The following MECOM variants were observed in gnomAD, a reference collection of about 807,000 sequenced individuals.
MECOM encodes MDS1 and EVI1 complex locus, also known as histone-lysine N-methyltransferase MECOM.
Under a neutral mutation model 116.3 loss-of-function variants are expected in MECOM, and 13 were observed. That is an observed-to-expected ratio of 0.11 (90% CI 0.07 to 0.18). The LOEUF (loss-of-function observed/expected upper bound fraction) is 0.18, where lower values mean the gene tolerates loss of function less well. Ranked by LOEUF, MECOM falls within the 10% of genes least tolerant of loss-of-function variation. The pLI, the probability that MECOM is intolerant of heterozygous loss-of-function variation, is 1.00. For synonymous variants in MECOM, 528 were observed against 535.2 expected (o/e 0.99, Z 0.19); for missense variants, 1,299 against 1,509.0 (o/e 0.86, Z 2.31).
intron 2 of MECOM, among the ~76,000 whole-genome samples, chr3:169,249,422 C>T (rs77936129): frequency 0.01 from 1,571 of 152,262 alleles, 11 homozygotes; most frequent in Non-Finnish European, 0.017. Flanking sequence ...TAGTGTTTGC[C>T]TAAGATCTGC....
At chr3:169,158,539 T>C (rs1742348433) in intron 2 of MECOM, among the ~76,000 whole-genome samples, 1 of 152,146 alleles carries the variant, frequency 6.6e-6, no homozygotes, top group African/African-American at 2.4e-5. Flanking sequence ...ATGAGTATCG[T>C]GTTCCATCAA....
intron 2 of MECOM, among the ~76,000 whole-genome samples, chr3:169,296,500 T>A (rs1715630325): frequency 6.6e-6 from 1 of 152,176 alleles, no homozygotes; most frequent in Non-Finnish European, 1.5e-5. Context: ...CCACACAAGT[T>A]CTTTGTAGAC....
chr3:169,114,550 A>G (rs987970245), intron 8 of MECOM, among the ~76,000 whole-genome samples: 1 of 152,352 alleles, frequency 6.6e-6, no homozygotes, highest in Admixed American at 6.5e-5. Context: ...AATAAGTTCA[A>G]TAAAAAATTA....
At chr3:169,144,942 A>G in intron 2 of MECOM, 2 of 1,444,400 alleles carry the variant, frequency 1.4e-6, no homozygotes, top group Non-Finnish European at 1.9e-6. Context: ...ACCAAAAGCA[A>G]TTTTGCATAG....
chr3:169,248,163 T>G (rs1020979947), intron 2 of MECOM, among the ~76,000 whole-genome samples: 2 of 152,218 alleles, frequency 1.3e-5, no homozygotes, highest in Non-Finnish European at 2.9e-5. Flanking sequence ...CTTGACAATA[T>G]TATTAGAATT....
At chr3:169,217,215 G>T (rs1247626713) in intron 2 of MECOM, among the ~76,000 whole-genome samples, 2 of 151,932 alleles carry the variant, frequency 1.3e-5, no homozygotes, top group Non-Finnish European at 2.9e-5. Flanking sequence ...CATTCACAGA[G>T]AATTCCCACC....
chr3:169,363,756 C>A (rs1409088072), intron 2 of MECOM, among the ~76,000 whole-genome samples: 1 of 151,788 alleles, frequency 6.6e-6, no homozygotes, highest in Non-Finnish European at 1.5e-5. Flanking sequence ...TATTCCACCC[C>A]GAGACTGAAC....
At chr3:169,297,020 C>T (rs556591967) in intron 2 of MECOM, among the ~76,000 whole-genome samples, 1 of 152,300 alleles carries the variant, frequency 6.6e-6, no homozygotes, top group African/African-American at 2.4e-5. Context: ...CCAAACACCA[C>T]CAGCTGTGCT....
At chr3:169,308,498 T>C (rs1259585007) in intron 2 of MECOM, among the ~76,000 whole-genome samples, 1 of 152,210 alleles carries the variant, frequency 6.6e-6, no homozygotes, top group African/African-American at 2.4e-5. Context: ...ATAATAAATA[T>C]TCTATCTACT....
At chr3:169,554,610 A>G (rs1400291301) in intron 1 of MECOM, among the ~76,000 whole-genome samples, 1 of 152,238 alleles carries the variant, frequency 6.6e-6, no homozygotes, top group Non-Finnish European at 1.5e-5. Context: ...AAAATAATAT[A>G]TTACTTATCA....
intron 2 of MECOM, among the ~76,000 whole-genome samples, chr3:169,294,651 T>C (rs1343432628): frequency 6.6e-6 from 1 of 152,220 alleles, no homozygotes; most frequent in Non-Finnish European, 1.5e-5. Context: ...AGCCTTTAAG[T>C]TGATGACCTT....
intron 1 of MECOM, among the ~76,000 whole-genome samples, chr3:169,632,785 A>G (rs1772249524): frequency 6.6e-6 from 1 of 152,134 alleles, no homozygotes; most frequent in Non-Finnish European, 1.5e-5. Flanking sequence ...AAAGGTCTTT[A>G]TTTTTGTTTG....
intron 1 of MECOM, among the ~76,000 whole-genome samples, chr3:169,500,701 T>C (rs1754423284): frequency 6.6e-6 from 1 of 151,996 alleles, no homozygotes. Context: ...TTATATAAAT[T>C]TAAAGAAGCA....
intron 2 of MECOM, among the ~76,000 whole-genome samples, chr3:169,238,585 A>G (rs1754394286): frequency 6.6e-6 from 1 of 152,206 alleles, no homozygotes; most frequent in Admixed American, 6.5e-5. Context: ...CCATTGAATA[A>G]AATTATTACT....
At chr3:169,195,415 A>G (rs1344754217) in intron 2 of MECOM, among the ~76,000 whole-genome samples, 1 of 152,108 alleles carries the variant, frequency 6.6e-6, no homozygotes, top group Non-Finnish European at 1.5e-5. Flanking sequence ...TTTGTTCTTT[A>G]GACAATTTTT....
At chr3:169,104,541 G>A (rs1274653759) in intron 10 of MECOM, among the ~76,000 whole-genome samples, 1 of 152,094 alleles carries the variant, frequency 6.6e-6, no homozygotes, top group Non-Finnish European at 1.5e-5. Context: ...CATGGGTAAT[G>A]ATTATAAATG....
intron 1 of MECOM, among the ~76,000 whole-genome samples, chr3:169,659,184 C>G (rs1442449853): frequency 6.6e-6 from 1 of 152,002 alleles, no homozygotes; most frequent in Non-Finnish European, 1.5e-5. Flanking sequence ...AGGAAGCCGG[C>G]CCCAGGGCCC....
chr3:169,188,420 A>T (rs1747052274), intron 2 of MECOM, among the ~76,000 whole-genome samples: 1 of 152,038 alleles, frequency 6.6e-6, no homozygotes, highest in Non-Finnish European at 1.5e-5. Context: ...CAGAAGAAAA[A>T]AATAGAGAAT....
intron 2 of MECOM, among the ~76,000 whole-genome samples, chr3:169,372,312 T>G (rs1287882657): frequency 6.6e-6 from 1 of 152,108 alleles, no homozygotes; most frequent in Non-Finnish European, 1.5e-5. Flanking sequence ...TGCAGAGTTT[T>G]GTAATGGCCA....
Sources: allele counts gnomAD v4.1 joint callset (sites outside exome capture counted in the v4.1 genomes callset), GRCh38; gene constraint gnomAD v4.1.1; transcripts MANE v1.5; gene names NCBI Gene and HGNC (gene_info 2026-07-23, HGNC 2026-07-21).